PECR: variants seen among roughly 807,000 people sequenced by gnomAD.
PECR encodes the protein 2,4-dienoyl-CoA reductase-related protein.
A neutral mutation model predicts 35.3 loss-of-function variants in PECR; 30 were observed. The observed-to-expected ratio is 0.85, with a 90% CI of 0.64 to 1.15. The LOEUF (loss-of-function observed/expected upper bound fraction) is 1.15. PECR is among the 50% of genes most tolerant of loss of function. The pLI is 0.00. For missense variants in PECR, 392 were observed against 370.8 expected, an observed-to-expected ratio of 1.06 and a Z score of -0.47; for synonymous variants, 148 against 138.9, an observed-to-expected ratio of 1.07 and a Z score of -0.46.
chr2:216,044,100 C>T, intron 6 of PECR, 85 bp from the exon 7 acceptor site: 2 of 737,304 alleles, frequency 2.7e-6, no homozygotes, highest in Non-Finnish European at 2.5e-6. Context: ...AAAGGCATCT[C>T]AAAGCCCATG....
intron 7 of PECR, among the ~76,000 whole-genome samples, chr2:216,043,301 G>T (rs1052410449): frequency 6.6e-6 from 1 of 151,704 alleles, no homozygotes; most frequent in African/African-American, 2.4e-5. Flanking sequence ...GTAGAGACGG[G>T]GTTTCACTGT....
chr2:216,058,093 C>T (rs1276439221), intron 4 of PECR: 3 of 152,194 alleles, frequency 2.0e-5, no homozygotes, highest in Admixed American at 1.3e-4. Flanking sequence ...ATGCCCTTTC[C>T]GCAGTGGCTC....
At chr2:216,080,594 A>G (rs1695818871) in intron 1 of PECR, among the ~76,000 whole-genome samples, 1 of 152,154 alleles carries the variant, frequency 6.6e-6, no homozygotes, top group Admixed American at 6.5e-5. Context: ...TTTTTTCCAA[A>G]TTGCCTTCCA....
intron 1 of PECR, 129 bp downstream of exon 1, chr2:216,081,489 C>G: frequency 8.5e-7 from 1 of 1,174,402 alleles, no homozygotes; most frequent in South Asian, 1.2e-5. Context: ...GTAATTTCGC[C>G]CACACCTGCC....
At chr2:216,057,167 ACTTAG>A (rs1695244851) in intron 4 of PECR, among the ~76,000 whole-genome samples, 1 of 152,206 alleles carries the variant, frequency 6.6e-6, no homozygotes, top group South Asian at 2.1e-4. Context: ...TTGGCTTTGG[ACTTAG>A]CAATTATACC....
chr2:216,048,833 C>T (rs1316163330), intron 6 of PECR, among the ~76,000 whole-genome samples: 4 of 112,802 alleles, frequency 3.5e-5, no homozygotes, highest in Non-Finnish European at 6.7e-5. Flanking sequence ...GAGTGAAACA[C>T]TGTCTCAAGC....
intron 4 of PECR, among the ~76,000 whole-genome samples, chr2:216,055,955 A>T (rs923697091): frequency 6.6e-6 from 1 of 152,090 alleles, no homozygotes; most frequent in Admixed American, 6.5e-5. Flanking sequence ...TCTCCTCCTC[A>T]TATGTCACCA....
chr2:216,042,485 G>A (rs1694904684), intron 7 of PECR, among the ~76,000 whole-genome samples: 1 of 152,136 alleles, frequency 6.6e-6, no homozygotes, highest in Non-Finnish European at 1.5e-5. Flanking sequence ...CTATTAATTT[G>A]CTAGTAGCCA....
chr2:216,042,423 G>A (rs923372852), intron 7 of PECR, among the ~76,000 whole-genome samples: 6 of 152,186 alleles, frequency 3.9e-5, no homozygotes, highest in African/African-American at 1.4e-4. Flanking sequence ...AGAGTACGTA[G>A]ACCCTGGGTC....
At chr2:216,046,276 GTATA>G (rs35571817) in intron 6 of PECR, among the ~76,000 whole-genome samples, 1 of 106,698 alleles carries the variant, frequency 9.4e-6, no homozygotes, top group African/African-American at 3.7e-5. Flanking sequence ...ACCACATAAA[GTATA>G]TATATATACA....
rs1305847214 is a variant in PECR at position 216,038,779 on chromosome 2, TTG to T, written c.*494_*495del. The T allele has an allele frequency of 5.9e-6, 1 of 168,256 alleles. No individual in the cohort carries two copies. Among genetic ancestry groups the T allele is most frequent in the African/African-American group, 2.4e-5 (1 of 41,452 alleles). The allele number at this position is 168,256 out of a possible 1,614,324, so 10.4% of individuals were successfully genotyped here. The stretch of plus-strand genomic sequence containing the variant: ...GTGTGTGCCACCACACCCGACTAAT[TTG>T]TGTTTTTGTTTTTGTTGTTTTTCAG... On this transcript the variant is annotated 3_prime_UTR_variant, in exon 8 of 8. Transcript: ENST00000265322.
At position 216,049,335 on chromosome 2, in the gene PECR, A is replaced by G; in HGVS notation, c.642T>C (p.Gly214=). The G allele has an allele frequency of 6.3e-7, 1 of 1,597,714 alleles. No individual in the cohort carries two copies. The highest frequency in any genetic ancestry group is 8.6e-7 in the Non-Finnish European group (1 of 1,164,976). Residue 214 remains glycine, a synonymous_variant, in exon 6 of 8, where the codon GGT becomes GGC. Transcript: ENST00000265322. ...IYSQTAVENY[G]SWGQSFFEGS... is the part of the protein sequence containing the mutation. ...CTTCAAAGAAGCTTTGTCCCCAGGA[A>G]CCATAGTTCTCCACAGCAGTCTGGG...
chr2:216,038,872 A>G lies in PECR; in HGVS notation c.*403T>C, dbSNP rs1011124321. The G allele has an allele frequency of 4.6e-6, 1 of 216,924 alleles. No homozygotes were observed. Among genetic ancestry groups the G allele is most frequent in the Non-Finnish European group, 9.3e-6 (1 of 107,664 alleles). The allele number at this position is 216,924 out of a possible 1,614,324, so 13.4% of individuals were successfully genotyped here. On this transcript the variant is annotated 3_prime_UTR_variant, in exon 8 of 8. Transcript: ENST00000265322. ...ACTCCTGACCTCAACTGACCCGCCT[A>G]CCTCGGCCTCCCAAAGTGCTGGAAT... is the stretch of plus-strand genomic sequence containing the variant.
At chr2:216,067,161 T>C (rs1270646148) in intron 1 of PECR, among the ~76,000 whole-genome samples, 1 of 151,582 alleles carries the variant, frequency 6.6e-6, no homozygotes, top group African/African-American at 2.4e-5. Flanking sequence ...AAGTTGGGAG[T>C]CTAGGGAGCC....
At chr2:216,081,222 C>A (rs551316859) in intron 1 of PECR, among the ~76,000 whole-genome samples, 1 of 151,826 alleles carries the variant, frequency 6.6e-6, no homozygotes. Flanking sequence ...TGAGAAGATA[C>A]TATGAGAGAC....
At chr2:216,046,310 A>ATATATATATATTTTTT (rs1553560626) in intron 6 of PECR, among the ~76,000 whole-genome samples, 1 of 96,976 alleles carries the variant, frequency 1.0e-5, no homozygotes, top group African/African-American at 4.6e-5. Context: ...ATATATATAT[A>ATATATATATATTTTTT]TTTTTTTTTT....
chr2:216,035,878 T>G (rs1216586610), downstream of PECR, among the ~76,000 whole-genome samples: 1 of 152,234 alleles, frequency 6.6e-6, no homozygotes, highest in Non-Finnish European at 1.5e-5. Context: ...TTTTACTTCC[T>G]ACTAGCCAGT....
intron 4 of PECR, 44 bp from the exon 5 acceptor site, chr2:216,051,589 A>G (rs1215856494): frequency 7.6e-6 from 9 of 1,184,158 alleles, no homozygotes; most frequent in Non-Finnish European, 1.0e-5. Context: ...CTTCTGTTGA[A>G]TATTTCTCTT....
intron 1 of PECR, among the ~76,000 whole-genome samples, chr2:216,069,031 G>A (rs1695532961): frequency 6.6e-6 from 1 of 152,104 alleles, no homozygotes. Flanking sequence ...CTAAGAAGGG[G>A]AAATGGAAGT....
Sources: allele counts gnomAD v4.1 joint callset (sites outside exome capture counted in the v4.1 genomes callset), GRCh38; gene constraint gnomAD v4.1.1; transcripts MANE v1.5; gene names NCBI Gene and HGNC (gene_info 2026-07-23, HGNC 2026-07-21).